BOD1L1: variants seen among roughly 807,000 people sequenced by gnomAD.
The protein encoded by BOD1L1 is biorientation of chromosomes in cell division protein 1-like 1.
In BOD1L1, 86 loss-of-function variants were observed where a neutral mutation model predicts 240.7. The ratio of observed to expected loss-of-function variants is 0.36; its 90% CI spans 0.30 to 0.43. The LOEUF (loss-of-function observed/expected upper bound fraction) is 0.43, where lower values mean the gene tolerates loss of function less well. Among genes scored for constraint, BOD1L1 ranks in the 20% least tolerant of loss-of-function variants. The pLI is 1.00. For missense variants in BOD1L1, 3,554 were observed against 3,643.5 expected (o/e 0.98, Z 0.63); for synonymous variants, 1,268 against 1,272.3 (o/e 1.00, Z 0.07).
Position 13,599,391 on chromosome 4 carries a change from G to A in BOD1L1, c.7509C>T (p.Ala2503=), listed in dbSNP as rs1300100035. ...RGLEGNANSP[A]HLRGPEQTSG... ...ACGTCTGTTCTGGTCCTCTCAGGTG[G>A]GCAGGTGAGTTAGCATTCCCCTCTA... The change falls in exon 10 of 26, where the codon GCC becomes GCT. Residue 2503 remains alanine, a synonymous_variant. Transcript: ENST00000040738. 2 of 1,613,850 alleles carry A rather than the reference G, an allele frequency of 1.2e-6. No individual in the cohort carries two copies. Among genetic ancestry groups the A allele is most frequent in the Admixed American group, 3.3e-5 (2 of 60,004 alleles).
intron 1 of BOD1L1, among the ~76,000 whole-genome samples, chr4:13,621,194 C>G (rs1324697649): frequency 6.6e-6 from 1 of 152,210 alleles, no homozygotes; most frequent in Non-Finnish European, 1.5e-5. Context: ...ACCAAGCACT[C>G]AGCACTGCAC....
chr4:13,612,832 G>C (rs1468335032), intron 5 of BOD1L1, among the ~76,000 whole-genome samples: 1 of 152,144 alleles, frequency 6.6e-6, no homozygotes, highest in Non-Finnish European at 1.5e-5. Context: ...ACTGAGATCA[G>C]CCATATGGGC....
intron 9 of BOD1L1, among the ~76,000 whole-genome samples, 151 bp downstream of exon 9, chr4:13,606,942 CAACAAAATGGGCAATTTGGGACAT>C (rs1351716782): frequency 2.0e-5 from 3 of 151,856 alleles, no homozygotes; most frequent in Non-Finnish European, 4.4e-5. Context: ...TAAATCAACT[CAACAAAATGGGCAATTTGGGACAT>C]AACAAAATGG....
chr4:13,576,058 A>C (rs1198111678), intron 25 of BOD1L1, among the ~76,000 whole-genome samples: 3 of 151,704 alleles, frequency 2.0e-5, no homozygotes, highest in Non-Finnish European at 2.9e-5. Context: ...ACTCACCACC[A>C]TGCCTGGCTG....
chr4:13,572,583 T>C (rs1397267081), intron 25 of BOD1L1: 6 of 1,005,550 alleles, frequency 6.0e-6, no homozygotes, highest in Admixed American at 3.3e-5. Context: ...AAACCAATGA[T>C]CCCCAAAAAC....
At chr4:13,591,576 T>C (rs1472067688) in intron 13 of BOD1L1, among the ~76,000 whole-genome samples, 2 of 152,216 alleles carry the variant, frequency 1.3e-5, no homozygotes, top group Non-Finnish European at 2.9e-5. Context: ...TGAGAAAAGC[T>C]TTCTAAAAAC....
intron 12 of BOD1L1, 177 bp from the exon 13 acceptor site, chr4:13,592,143 T>C (rs1457504100): frequency 3.8e-6 from 2 of 529,504 alleles, no homozygotes; most frequent in East Asian, 3.1e-5. Context: ...CATGTTGTAC[T>C]ACCAGAATAT....
In BOD1L1 at chr4:13,620,062, C is replaced by G. The variant is rs184203522; in HGVS notation, c.249G>C (p.Ala83=). 154 of 1,601,730 alleles carry G rather than the reference C, an allele frequency of 9.6e-5. 1 individual carries two copies. The highest frequency in any genetic ancestry group is 8.1e-4 in the East Asian group (36 of 44,628). The change falls in exon 2 of 26, where the codon GCG becomes GCC. Residue 83 remains alanine (A), a synonymous_variant. Transcript: ENST00000040738. ...DCLADVDTKP[A]YQNLRQRVDN... ...CAACACGCTGTCTCAGATTCTGATACGCAGGCTAGAGAGAAAAAAACGAAG... is the reference window on the plus strand; with the variant it reads ...CAACACGCTGTCTCAGATTCTGATAGGCAGGCTAGAGAGAAAAAAACGAAG...
intron 25 of BOD1L1, among the ~76,000 whole-genome samples, chr4:13,575,775 A>C (rs1295754492): frequency 6.6e-6 from 1 of 152,216 alleles, no homozygotes; most frequent in African/African-American, 2.4e-5. Context: ...GGGGAAAGGA[A>C]CACTGGATGA....
chr4:13,603,223 C>A lies in BOD1L1; in HGVS notation c.3677G>T (p.Arg1226Ile). The A allele has an allele frequency of 6.2e-7, 1 of 1,614,016 alleles. No individual in the cohort carries two copies. The highest frequency in any genetic ancestry group is 8.5e-7 in the Non-Finnish European group (1 of 1,179,886). Residue 1226 changes from arginine (R) to isoleucine (I), a missense_variant, in exon 10 of 26, where the codon AGA becomes ATA. Around this residue, in one of 2 missense-constraint regions of BOD1L1, gnomAD observed 3,393 missense variants for 3,427.1 expected, o/e 0.99. Transcript: ENST00000040738. ...MNPGEKEPIH[R>I]GTTEVNIDSE... ...ATCTATATTCACTTCAGTAGTTCCTCTATGAATGGGTTCTTTCTCCCCAGG... is the reference window on the plus strand; with the variant it reads ...ATCTATATTCACTTCAGTAGTTCCTATATGAATGGGTTCTTTCTCCCCAGG...
rs1331042010 is a variant in BOD1L1, at chr4:13,614,583, T to C, written c.787A>G (p.Thr263Ala). 1.4e-5 allele frequency: 22 copies of C among 1,613,858 alleles called. No homozygotes were observed. Among genetic ancestry groups the C allele is most frequent in the Non-Finnish European group, 1.7e-5 (20 of 1,179,886 alleles). ...AGTCCTTCACCTCCAGAGTCAGCTG[T>C]AGATTTTTCTTTATCAGCCATGTCC... is the stretch of plus-strand genomic sequence containing the variant. ...SEDMADKEKSTADSGGEGLET... is the reference protein window; with the variant it reads ...SEDMADKEKSAADSGGEGLET... Residue 263 changes from threonine (T) to alanine (A), a missense_variant, in exon 4 of 26, where the codon ACA becomes GCA. Thr to Ala is a moderately conservative substitution (Grantham distance 58, BLOSUM62 0). Coordinates refer to ENST00000040738, the MANE Select transcript of BOD1L1 (RefSeq NM_148894.3).
At chr4:13,582,814 CCTTT>C in intron 17 of BOD1L1, 78 bp from the exon 18 acceptor site, 1 of 998,914 alleles carries the variant, frequency 1.0e-6, no homozygotes, top group East Asian at 2.5e-5. Flanking sequence ...CACAAGTTTG[CCTTT>C]CTATTTCAAA....
chr4:13,622,867 C>G (rs916915223), intron 1 of BOD1L1, among the ~76,000 whole-genome samples: 1 of 152,222 alleles, frequency 6.6e-6, no homozygotes, highest in African/African-American at 2.4e-5. Context: ...CTGCCAATGG[C>G]TTCTGAGCTC....
chr4:13,591,677 T>C (rs546669570), intron 13 of BOD1L1, among the ~76,000 whole-genome samples: 1 of 152,296 alleles, frequency 6.6e-6, no homozygotes, highest in East Asian at 1.9e-4. Flanking sequence ...TCAATCCCGT[T>C]ATAATAATAA....
chr4:13,615,357 T>C lies in BOD1L1; in HGVS notation c.514A>G (p.Thr172Ala), dbSNP rs375245323. The C allele has an allele frequency of 2.4e-5, 39 of 1,613,538 alleles. No individual in the cohort carries two copies. Among genetic ancestry groups the C allele is most frequent in the Middle Eastern group, 1.7e-4 (1 of 6,058 alleles). The change falls in exon 3 of 26, where the codon ACA becomes GCA. Residue 172 changes from threonine (T) to alanine (A), a missense_variant. Around this residue, in one of 2 missense-constraint regions of BOD1L1, gnomAD observed 3,393 missense variants for 3,427.1 expected, o/e 0.99. Transcript: ENST00000040738. ...TCTGGTTTCTCATCATCGGGAGCTG[T>C]GTTGCCACTTCCTTCCTCTTTGTGA... ...LNHKEEGSGN[T>A]APDDEKPDTS...
At chr4:13,583,133 G>A (rs1485986281) in intron 17 of BOD1L1, among the ~76,000 whole-genome samples, 1 of 152,112 alleles carries the variant, frequency 6.6e-6, no homozygotes, top group Non-Finnish European at 1.5e-5. Context: ...CAATAATTTG[G>A]GAGGTGCCAA....
At chr4:13,575,443 C>T (rs112161561) in intron 25 of BOD1L1, among the ~76,000 whole-genome samples, 18,306 of 152,074 alleles carry the variant, frequency 0.12, 1,435 homozygotes, top group Middle Eastern at 0.21. Context: ...TGCAGTGGTG[C>T]GATCACAGCT....
rs768919893 is a variant in BOD1L1, at chr4:13,600,696, G to A, written c.6204C>T (p.Gly2068=). The change falls in exon 10 of 26, where the codon GGC becomes GGT. Residue 2068 remains glycine (G), a synonymous_variant. Coordinates refer to ENST00000040738, the MANE Select transcript of BOD1L1 (RefSeq NM_148894.3). ...TACTGGTGGAAATAATCAAAACTTT[G>A]CCTTGATTTTTACCCCCTGCTAAGC... ...QNSLAGGKNQ[G]KVLIISTSTT... 2 of 1,613,940 alleles carry A rather than the reference G, an allele frequency of 1.2e-6. No individual in the cohort carries two copies. The highest frequency in any genetic ancestry group is 1.7e-6 in the Non-Finnish European group (2 of 1,179,886).
chr4:13,577,964 C>T (rs567808639), intron 22 of BOD1L1: 6 of 194,234 alleles, frequency 3.1e-5, no homozygotes, highest in South Asian at 8.8e-5. Context: ...AGTGCAGTGG[C>T]GTGATCTTGG....
Sources: gnomAD v4.1 joint callset for allele counts (sites outside exome capture counted in the v4.1 genomes callset) on GRCh38, gnomAD v4.1.1 for gene constraint, gnomAD v4.1.1 regional missense constraint, MANE v1.5 for transcripts, NCBI Gene and HGNC (gene_info 2026-07-23, HGNC 2026-07-21) for gene names.